GTF2E2: variants seen among roughly 807,000 people sequenced by gnomAD.
GTF2E2 encodes the protein general transcription factor IIE subunit 2, also known as transcription initiation factor IIE subunit beta.
A neutral mutation model predicts 40.5 loss-of-function variants in GTF2E2; 21 were observed. That is an observed-to-expected ratio of 0.52 (90% CI 0.37 to 0.75). The LOEUF (loss-of-function observed/expected upper bound fraction) is 0.75, where lower values mean the gene tolerates loss of function less well. Ranked by LOEUF, GTF2E2 falls within the 30% of genes least tolerant of loss-of-function variation. The probability of loss-of-function intolerance (pLI) is 0.00; values close to 1 mark genes in which losing one functional copy is unlikely to be tolerated. For synonymous variants in GTF2E2, 117 were observed against 121.6 expected, an observed-to-expected ratio of 0.96 and a Z score of 0.25; for missense variants, 298 against 338.4, an observed-to-expected ratio of 0.88 and a Z score of 0.94.
At chr8:30,636,205 T>C (rs1181591527) in intron 2 of GTF2E2, among the ~76,000 whole-genome samples, 1 of 152,116 alleles carries the variant, frequency 6.6e-6, no homozygotes, top group Non-Finnish European at 1.5e-5. Flanking sequence ...CAGTAAAAAA[T>C]CCATCATAAA....
chr8:30,653,773 G>A (rs371253186), intron 1 of GTF2E2, among the ~76,000 whole-genome samples, 171 bp from the exon 2 acceptor site: 10 of 151,948 alleles, frequency 6.6e-5, no homozygotes, highest in African/African-American at 2.2e-4. Flanking sequence ...TTTCATTAGC[G>A]CTTATTACAC....
intron 2 of GTF2E2, among the ~76,000 whole-genome samples, chr8:30,637,513 T>A (rs909685811): frequency 2.2e-4 from 3 of 13,516 alleles, no homozygotes; most frequent in African/African-American, 4.3e-4. Flanking sequence ...TCTATAATTT[T>A]ATTTTATTTA....
intron 6 of GTF2E2, among the ~76,000 whole-genome samples, chr8:30,596,054 C>T (rs749739046): frequency 5.2e-4 from 79 of 152,270 alleles, no homozygotes; most frequent in South Asian, 1.5e-3. Context: ...TTTCCTCTGA[C>T]TGCCTTCAAT....
intron 3 of GTF2E2, among the ~76,000 whole-genome samples, chr8:30,633,230 C>G (rs1003141716): frequency 2.6e-5 from 4 of 151,694 alleles, no homozygotes; most frequent in Admixed American, 2.6e-4. Flanking sequence ...GATAGATGAT[C>G]AATAAATGAT....
At chr8:30,630,618 C>G (rs182842178) in intron 3 of GTF2E2, among the ~76,000 whole-genome samples, 4 of 152,118 alleles carry the variant, frequency 2.6e-5, no homozygotes, top group Admixed American at 2.6e-4. Context: ...TCCACCTCCC[C>G]CCGCCATGAA....
intron 5 of GTF2E2, among the ~76,000 whole-genome samples, chr8:30,611,543 A>G (rs921020325): frequency 2.0e-5 from 3 of 152,210 alleles, no homozygotes; most frequent in African/African-American, 7.2e-5. Flanking sequence ...TGAAAAATAC[A>G]ATTAAAAAAT....
rs75815297 is a variant in GTF2E2, at chr8:30,588,563, T to C, written c.644-8167A>G. ...GAGTAGAATGATGGCTACTAGAGGC[T>C]AGGAGAAGGGGAATGAGGAGGTGTT... On this transcript the variant is annotated intron_variant, in intron 6 of 7. Transcript: ENST00000355904. Among the ~76,000 whole-genome samples, 25 of 152,174 alleles carry C rather than the reference T, an allele frequency of 1.6e-4. No homozygotes were observed. The East Asian group carries it at 4.8e-3, about 29-fold the overall frequency.
chr8:30,621,259 T>C (rs1801093247), intron 3 of GTF2E2, among the ~76,000 whole-genome samples: 5 of 152,064 alleles, frequency 3.3e-5, no homozygotes, highest in Non-Finnish European at 7.3e-5. Context: ...TGTACTATTG[T>C]TTTTAAATCA....
At chr8:30,583,393 T>C (rs1029021185) in intron 6 of GTF2E2, among the ~76,000 whole-genome samples, 3 of 152,088 alleles carry the variant, frequency 2.0e-5, no homozygotes, top group Admixed American at 6.5e-5. Context: ...CACTGTTTGT[T>C]TGTTGAGACA....
intron 6 of GTF2E2, among the ~76,000 whole-genome samples, chr8:30,587,435 T>C (rs1350659684): frequency 2.0e-5 from 3 of 148,036 alleles, no homozygotes; most frequent in Non-Finnish European, 4.5e-5. Context: ...AAAAATTATA[T>C]ATATTTTCCA....
At chr8:30,645,143 A>T in intron 2 of GTF2E2, 1 of 764,296 alleles carries the variant, frequency 1.3e-6, no homozygotes, top group South Asian at 2.0e-5. Flanking sequence ...ATACAAAAAA[A>T]TTCAAAACTA....
chr8:30,645,727 G>A lies in GTF2E2; in HGVS notation c.166+7706C>T, dbSNP rs1209348648. 4.1e-6 allele frequency: 4 copies of A among 976,160 alleles called. No homozygotes were observed. In the African/African-American group the frequency reaches 6.6e-5, roughly 16 times the overall value. The allele number at this position is 976,160 out of a possible 1,614,324, so 60.5% of individuals were successfully genotyped here. A position where few individuals can be genotyped will look rare whatever the true frequency, so the allele number is the denominator to read the frequency against. On this transcript the variant is annotated intron_variant, in intron 2 of 7. Coordinates refer to ENST00000355904, the MANE Select transcript of GTF2E2 (RefSeq NM_002095.6). ...ATGGTTAAAACATTTCTAGTAGAAGGGGAAAAAAAAGTTAAACATGCACTG... is the reference window on the plus strand; with the variant it reads ...ATGGTTAAAACATTTCTAGTAGAAGAGGAAAAAAAAGTTAAACATGCACTG...
At chr8:30,655,442 TAAG>T (rs1563514812) in intron 1 of GTF2E2, among the ~76,000 whole-genome samples, 4 of 152,192 alleles carry the variant, frequency 2.6e-5, no homozygotes, top group African/African-American at 9.7e-5. Flanking sequence ...TTGACACTGT[TAAG>T]ACTAGTGTCA....
At chr8:30,645,339 T>C (rs1802028173) in intron 2 of GTF2E2, 2 of 1,535,694 alleles carry the variant, frequency 1.3e-6, no homozygotes, top group African/African-American at 2.7e-5. Flanking sequence ...ATGAAACCAC[T>C]ACCTCTGTTT....
chr8:30,602,754 CA>C (rs35330702), intron 6 of GTF2E2, among the ~76,000 whole-genome samples: 115 of 92,012 alleles, frequency 1.2e-3, no homozygotes, highest in South Asian at 2.4e-3. Flanking sequence ...AACTCCGTCT[CA>C]AAAAAAAAAA....
chr8:30,644,228 C>T (rs1273625377), intron 2 of GTF2E2, among the ~76,000 whole-genome samples: 2 of 152,186 alleles, frequency 1.3e-5, no homozygotes, highest in Non-Finnish European at 2.9e-5. Flanking sequence ...AAGAGCTAAA[C>T]TTAATTCAAG....
intron 6 of GTF2E2, among the ~76,000 whole-genome samples, chr8:30,583,749 A>G (rs1450182804): frequency 1.3e-5 from 2 of 152,068 alleles, no homozygotes; most frequent in African/African-American, 4.8e-5. Context: ...ATATCTACAT[A>G]TTTATTACAC....
rs150105603 is a variant in GTF2E2, at chr8:30,585,998, C to T, written c.644-5602G>A. Among the ~76,000 whole-genome samples, 843 of 152,104 alleles carry T rather than the reference C, an allele frequency of 5.5e-3. 4 individuals are homozygous for T. The highest frequency in any genetic ancestry group is 0.019 in the African/African-American group (789 of 41,484). On this transcript the variant is annotated intron_variant, in intron 6 of 7. Transcript: ENST00000355904. ...TCAGGAGACTGAGGTGGGAAGAGAG[C>T]TTGAACCCAGTTTGACGTTGTGAGC...
chr8:30,604,127 G>A (rs1480257518), intron 6 of GTF2E2, among the ~76,000 whole-genome samples: 1 of 151,952 alleles, frequency 6.6e-6, no homozygotes, highest in Non-Finnish European at 1.5e-5. Flanking sequence ...GGGAGAGGAA[G>A]AAAAACTACT....
Sources: allele counts gnomAD v4.1 joint callset (sites outside exome capture counted in the v4.1 genomes callset), GRCh38; gene constraint gnomAD v4.1.1; transcripts MANE v1.5; gene names NCBI Gene and HGNC (gene_info 2026-07-23, HGNC 2026-07-21).